Variants in ARFGEF1 observed in about 807,000 individuals in gnomAD.
ARFGEF1 encodes brefeldin A-inhibited guanine nucleotide-exchange protein 1.
In ARFGEF1, 42 loss-of-function variants were observed where a neutral mutation model predicts 231.0. The ratio of observed to expected loss-of-function variants is 0.18; its 90% CI spans 0.14 to 0.24. ARFGEF1 has a LOEUF of 0.24. Ranked by LOEUF, ARFGEF1 falls within the 10% of genes least tolerant of loss-of-function variation. ARFGEF1 has a pLI of 1.00. For missense variants in ARFGEF1, 1,345 were observed against 2,192.0 expected, an observed-to-expected ratio of 0.61 and a Z score of 7.72; for synonymous variants, 710 against 732.3, an observed-to-expected ratio of 0.97 and a Z score of 0.49.
chr8:67,289,334 A>C (rs1805899759), intron 6 of ARFGEF1, among the ~76,000 whole-genome samples: 1 of 151,988 alleles, frequency 6.6e-6, no homozygotes, highest in Non-Finnish European at 1.5e-5. Flanking sequence ...TGGGAGGATC[A>C]CTTGAGCCCA....
intron 7 of ARFGEF1, among the ~76,000 whole-genome samples, chr8:67,285,188 A>C (rs1195762945): frequency 6.6e-6 from 1 of 152,072 alleles, no homozygotes; most frequent in Non-Finnish European, 1.5e-5. Flanking sequence ...TTGCAACCCA[A>C]TATCTGAGTA....
chr8:67,324,450 C>T (rs1807737976), intron 1 of ARFGEF1, among the ~76,000 whole-genome samples: 1 of 152,186 alleles, frequency 6.6e-6, no homozygotes, highest in Non-Finnish European at 1.5e-5. Context: ...AGTTCTGCCA[C>T]AGCATGTTCC....
chr8:67,206,410 T>TAA lies in ARFGEF1; in HGVS notation c.4820-1593_4820-1592dup, dbSNP rs747164390. Among the ~76,000 whole-genome samples the TAA allele has an allele frequency of 4.6e-3, 469 of 102,018 alleles. 9 individuals carry two copies. Among genetic ancestry groups the TAA allele is most frequent in the African/African-American group, 0.017 (444 of 25,486 alleles). 66.9% of individuals were successfully genotyped at this position (102,018 alleles called of 152,430 possible). On this transcript the variant is annotated intron_variant, in intron 34 of 38. Transcript: ENST00000262215. The stretch of plus-strand genomic sequence containing the variant: ...GGGCAACAGAGCCAGATTTTATCTT[T>TAA]AAAAAAAAAAAAAAAAAAAAAAAAG...
downstream of ARFGEF1, chr8:67,174,520 T>C (rs1303962057): frequency 6.6e-6 from 1 of 152,184 alleles, no homozygotes; most frequent in Non-Finnish European, 1.5e-5. Context: ...CCCAGCACTT[T>C]GAGAGGCCGA....
intron 1 of ARFGEF1, among the ~76,000 whole-genome samples, chr8:67,327,451 G>A (rs1194520642): frequency 1.3e-5 from 2 of 151,722 alleles, no homozygotes; most frequent in African/African-American, 2.4e-5. Flanking sequence ...CCAAGTAGCT[G>A]GGATTACAGG....
chr8:67,210,154 C>CAAAAAAAAAAAAAAAAAA (rs59530693), intron 34 of ARFGEF1, among the ~76,000 whole-genome samples: 1 of 53,876 alleles, frequency 1.9e-5, no homozygotes. Context: ...GACTCCGTCT[C>CAAAAAAAAAAAAAAAAAA]AAAAAAAAAA....
downstream of ARFGEF1, chr8:67,174,292 T>G (rs534629373): frequency 4.6e-5 from 7 of 152,264 alleles, no homozygotes; most frequent in African/African-American, 1.7e-4. Flanking sequence ...TTTCACTATT[T>G]TGTTCTTTTG....
intron 1 of ARFGEF1, among the ~76,000 whole-genome samples, chr8:67,309,605 T>G (rs1239081997): frequency 1.3e-5 from 2 of 152,218 alleles, no homozygotes. Flanking sequence ...TTATACAAAG[T>G]GTAACCTCTA....
At chr8:67,225,750 G>C (rs112703372) in intron 28 of ARFGEF1, among the ~76,000 whole-genome samples, 1 of 152,076 alleles carries the variant, frequency 6.6e-6, no homozygotes, top group East Asian at 1.9e-4. Flanking sequence ...TTCTTTGTCT[G>C]TATGGGGCTA....
rs772327347 is a variant in ARFGEF1 at position 67,217,887 on chromosome 8, C to T, written c.4508G>A (p.Cys1503Tyr). ...ATTCAGAATAACAACATTCTCTAAACAGTTTGTACCAGATCGCGCTAACTG... is the reference window on the plus strand; with the variant it reads ...ATTCAGAATAACAACATTCTCTAAATAGTTTGTACCAGATCGCGCTAACTG... ...NEQLARSGTN[C>Y]LENVVILNGE... Residue 1503 changes from cysteine to tyrosine, a missense_variant, in exon 32 of 39, where the codon TGT (cysteine) becomes TAT (tyrosine). By Grantham distance (194) the Cys-to-Tyr change is radical. Around this residue, in one of 14 missense-constraint regions of ARFGEF1, gnomAD observed 54 missense variants for 86.5 expected, o/e 0.62. Transcript: ENST00000262215. 6.2e-7 allele frequency: 1 copy of T among 1,614,014 alleles called. No homozygotes were observed. Among genetic ancestry groups the T allele is most frequent in the Non-Finnish European group, 8.5e-7 (1 of 1,179,964 alleles).
downstream of ARFGEF1, among the ~76,000 whole-genome samples, chr8:67,193,037 A>AT (rs1431985531): frequency 3.9e-5 from 6 of 152,256 alleles, no homozygotes; most frequent in African/African-American, 1.4e-4. Context: ...CATAGGAGCC[A>AT]TAATATACGT....
At chr8:67,288,091 A>G in intron 6 of ARFGEF1, 26 bp from the exon 7 acceptor site, 2 of 1,487,552 alleles carry the variant, frequency 1.3e-6, no homozygotes, top group Non-Finnish European at 1.8e-6. Flanking sequence ...AATTCAACAG[A>G]ACATTATTTT....
At position 67,188,395 on chromosome 8, in the gene ARFGEF1, C is replaced by G. The variant is rs946984881; in HGVS notation, c.560+12001G>C. Among the ~76,000 whole-genome samples the G allele has an allele frequency of 3.9e-5, 6 of 152,136 alleles. No homozygotes were observed. The East Asian group carries it at 1.2e-3, about 29-fold the overall frequency. On this transcript the variant is annotated intron_variant, in intron 5 of 5. Coordinates refer to the ARFGEF1 transcript ENST00000518789. The stretch of plus-strand genomic sequence containing the variant: ...GTAACTCAGCTCACACCCAACCAAT[C>G]AGGTAGTAAAGAGGGCTCACTAAAA...
chr8:67,195,195 C>A (rs2290586), downstream of ARFGEF1, among the ~76,000 whole-genome samples: 1 of 152,028 alleles, frequency 6.6e-6, no homozygotes, highest in Non-Finnish European at 1.5e-5. Flanking sequence ...TTTGTGGGCC[C>A]ACTCTCCTCC....
rs201400122 is a variant in ARFGEF1 at position 67,235,084 on chromosome 8, A to G, written c.3290-2139T>C. ...TGTGTATGTGTGTATATATATATAT[A>G]TGTGTGTGTGTGTGTGTATATATAT... On this transcript the variant is annotated intron_variant, in intron 22 of 38. Coordinates refer to ENST00000262215, the MANE Select transcript of ARFGEF1 (RefSeq NM_006421.5). Among the ~76,000 whole-genome samples the G allele has an allele frequency of 6.4e-3, 786 of 121,956 alleles. 6 individuals carry two copies. The highest frequency in any genetic ancestry group is 0.026 in the African/African-American group (609 of 23,366). The allele number at this position is 121,956 out of a possible 152,430, so 80.0% of individuals were successfully genotyped here.
intron 6 of ARFGEF1, among the ~76,000 whole-genome samples, chr8:67,289,827 TTAAG>T (rs1423849322): frequency 6.6e-6 from 1 of 152,190 alleles, no homozygotes; most frequent in African/African-American, 2.4e-5. Context: ...TCTGCCATTC[TTAAG>T]TGTTTTATTT....
chr8:67,208,629 C>CA (rs1226322166), intron 34 of ARFGEF1, among the ~76,000 whole-genome samples: 5,982 of 49,402 alleles, frequency 0.12, 329 homozygotes, highest in African/African-American at 0.18. Flanking sequence ...GACTCCATCT[C>CA]AAAAAAAAAA....
At position 67,226,822 on chromosome 8, in the gene ARFGEF1, AC is replaced by A. The variant is rs1300260183; in HGVS notation, c.3916+314del. 2.0e-5 allele frequency among the ~76,000 whole-genome samples: 3 copies of A among 152,068 alleles called. No homozygotes were observed. The East Asian group carries it at 5.8e-4, about 29-fold the overall frequency. On this transcript the variant is annotated intron_variant, in intron 27 of 38. Coordinates refer to ENST00000262215, the MANE Select transcript of ARFGEF1 (RefSeq NM_006421.5). ...GACCATCTCCATCACTAGTTCTGTG[AC>A]CTTACATAGACTGCTTAACCTTTCT...
At chr8:67,188,801 C>A (rs532840894) in intron 5 of ARFGEF1, among the ~76,000 whole-genome samples, 19 of 152,298 alleles carry the variant, frequency 1.2e-4, no homozygotes, top group African/African-American at 4.6e-4. Context: ...ATTGTTCCTG[C>A]ACGGCTAAGT....
Sources: gnomAD v4.1 joint callset for allele counts (sites outside exome capture counted in the v4.1 genomes callset) on GRCh38, gnomAD v4.1.1 for gene constraint, gnomAD v4.1.1 regional missense constraint, MANE v1.5 for transcripts, NCBI Gene and HGNC (gene_info 2026-07-23, HGNC 2026-07-21) for gene names.